Variants in FAM193A observed in about 807,000 individuals in gnomAD.
FAM193A encodes family with sequence similarity 193 member A, also known as protein FAM193A.
FAM193A carries 22 observed loss-of-function variants against 126.5 expected under a neutral mutation model. The observed-to-expected ratio is 0.17, with a 90% CI of 0.12 to 0.25. The LOEUF is 0.25. Among genes scored for constraint, FAM193A ranks in the 10% least tolerant of loss-of-function variants. FAM193A has a pLI of 1.00. For synonymous variants in FAM193A, 761 were observed against 646.8 expected (o/e 1.18, Z -2.68); for missense variants, 1,675 against 1,672.8 (o/e 1.00, Z -0.02).
chr4:2,656,540 C>T (rs750446320), intron 7 of FAM193A, among the ~76,000 whole-genome samples: 1 of 152,216 alleles, frequency 6.6e-6, no homozygotes, highest in East Asian at 1.9e-4. Flanking sequence ...CGTCACCACC[C>T]TCACCTTGAA....
At chr4:2,640,466 G>A (rs962456693) in intron 6 of FAM193A, among the ~76,000 whole-genome samples, 1 of 152,148 alleles carries the variant, frequency 6.6e-6, no homozygotes, top group Non-Finnish European at 1.5e-5. Flanking sequence ...TTTGCCCTGT[G>A]GTACCATGTT....
intron 5 of FAM193A, among the ~76,000 whole-genome samples, chr4:2,633,689 A>C (rs773580251): frequency 9.7e-4 from 147 of 151,650 alleles, no homozygotes; most frequent in Non-Finnish European, 1.5e-3. Flanking sequence ...GTCAGGAGTT[A>C]GAGACCAGCC....
At chr4:2,641,472 G>A (rs1366474648) in intron 6 of FAM193A, among the ~76,000 whole-genome samples, 2 of 151,880 alleles carry the variant, frequency 1.3e-5, no homozygotes, top group Non-Finnish European at 2.9e-5. Flanking sequence ...TGGCTAACAC[G>A]GTGAAACCTC....
At chr4:2,619,071 T>G (rs2108961199) in intron 2 of FAM193A, among the ~76,000 whole-genome samples, 1 of 152,136 alleles carries the variant, frequency 6.6e-6, no homozygotes, top group East Asian at 1.9e-4. Flanking sequence ...TTATTGGTAT[T>G]CTGATCTGCT....
intron 8 of FAM193A, among the ~76,000 whole-genome samples, chr4:2,658,517 C>T (rs961615329): frequency 3.9e-5 from 6 of 152,140 alleles, no homozygotes; most frequent in East Asian, 3.8e-4. Context: ...CTCCCATCCA[C>T]GTGCCACATC....
At chr4:2,661,319 T>G (rs150181679) in intron 10 of FAM193A, among the ~76,000 whole-genome samples, 260 of 152,326 alleles carry the variant, frequency 1.7e-3, no homozygotes, top group African/African-American at 6.1e-3. Flanking sequence ...CTTTTCTAAG[T>G]TGGTTAAAAA....
intron 1 of FAM193A, among the ~76,000 whole-genome samples, chr4:2,580,885 T>C (rs917608658): frequency 6.6e-6 from 1 of 152,184 alleles, no homozygotes; most frequent in Non-Finnish European, 1.5e-5. Context: ...ATCCCAGCAC[T>C]TTGGGAGGCC....
intron 20 of FAM193A, among the ~76,000 whole-genome samples, chr4:2,721,905 G>A (rs1239864348): frequency 6.6e-6 from 1 of 152,220 alleles, no homozygotes; most frequent in Non-Finnish European, 1.5e-5. Flanking sequence ...AAGACGAACA[G>A]ACTGTCACCT....
chr4:2,591,154 G>C (rs1740549347), intron 1 of FAM193A, among the ~76,000 whole-genome samples: 1 of 152,118 alleles, frequency 6.6e-6, no homozygotes, highest in Admixed American at 6.5e-5. Context: ...GGTTTGAAGG[G>C]ATGCCTCGCA....
intron 2 of FAM193A, among the ~76,000 whole-genome samples, chr4:2,602,351 T>C (rs1373008679): frequency 6.9e-6 from 1 of 143,902 alleles, no homozygotes; most frequent in Non-Finnish European, 1.5e-5. Flanking sequence ...AGATGTTCTG[T>C]TCTTTTTTTT....
chr4:2,622,431 A>AGACTTGG (rs1259147072), intron 2 of FAM193A, among the ~76,000 whole-genome samples: 1 of 151,892 alleles, frequency 6.6e-6, no homozygotes, highest in Non-Finnish European at 1.5e-5. Flanking sequence ...ACTGGAGCGG[A>AGACTTGG]GACTTGGGGG....
chr4:2,608,104 C>T lies in FAM193A; in HGVS notation c.501+11775C>T. On this transcript the variant is annotated intron_variant, in intron 2 of 20. Coordinates refer to ENST00000637812, the MANE Select transcript of FAM193A (RefSeq NM_001366318.2). ...TGATTCACTCCCAGATTAGTGCTTC[C>T]ACGATCTACTATATCTCCTTGTAGA... 3 of 1,608,778 alleles carry T rather than the reference C, an allele frequency of 1.9e-6. No homozygotes were observed. The South Asian group carries it at 3.3e-5, about 18-fold the overall frequency.
intron 2 of FAM193A, among the ~76,000 whole-genome samples, chr4:2,619,481 T>TTTTGTA (rs1204864153): frequency 6.6e-6 from 1 of 151,848 alleles, no homozygotes; most frequent in Non-Finnish European, 1.5e-5. Context: ...TATTTTTGTA[T>TTTTGTA]TTTTAGTAGA....
rs570446734 is a variant in FAM193A, at chr4:2,715,411, C to T, written c.4373-612C>T. On this transcript the variant is annotated intron_variant, in intron 19 of 20. Coordinates refer to ENST00000637812, the MANE Select transcript of FAM193A (RefSeq NM_001366318.2). Reference sequence around the variant, plus strand: ...CTGGAAGATGGAGGTTCCAGTGAGCCGAGATCATGCCTGGGTGACAGAATG... The same window carrying T: ...CTGGAAGATGGAGGTTCCAGTGAGCTGAGATCATGCCTGGGTGACAGAATG... 9 of 721,138 alleles carry T rather than the reference C, an allele frequency of 1.2e-5. No individual in the cohort carries two copies. The South Asian group carries it at 2.5e-4, about 20-fold the overall frequency. The allele number at this position is 721,138 out of a possible 1,614,324, so 44.7% of individuals were successfully genotyped here.
chr4:2,562,869 C>G (rs1455956621), intron 1 of FAM193A, among the ~76,000 whole-genome samples: 1 of 151,548 alleles, frequency 6.6e-6, no homozygotes, highest in Non-Finnish European at 1.5e-5. Context: ...ACCTCATGAT[C>G]TGCTCGCCTT....
At chr4:2,690,357 TAGGA>T (rs1175559806) in intron 14 of FAM193A, among the ~76,000 whole-genome samples, 1 of 152,172 alleles carries the variant, frequency 6.6e-6, no homozygotes, top group African/African-American at 2.4e-5. Context: ...GATCTGTGCT[TAGGA>T]AGGATTTCTA....
chr4:2,714,181 T>C (rs936178000), intron 19 of FAM193A, among the ~76,000 whole-genome samples: 1 of 152,096 alleles, frequency 6.6e-6, no homozygotes, highest in African/African-American at 2.4e-5. Flanking sequence ...CTGTAAATGC[T>C]CCGGCCCTCT....
chr4:2,677,902 A>G (rs1373995255), intron 13 of FAM193A, among the ~76,000 whole-genome samples: 1 of 152,220 alleles, frequency 6.6e-6, no homozygotes, highest in Non-Finnish European at 1.5e-5. Flanking sequence ...CAGTATGTAC[A>G]TTCTAACAGT....
At chr4:2,664,519 C>G (rs1712862218) in intron 12 of FAM193A, among the ~76,000 whole-genome samples, 1 of 150,370 alleles carries the variant, frequency 6.7e-6, no homozygotes. Flanking sequence ...AGGGTCTTCC[C>G]TCCAGCTTGG....
Sources: allele counts gnomAD v4.1 joint callset (sites outside exome capture counted in the v4.1 genomes callset), GRCh38; gene constraint gnomAD v4.1.1; transcripts MANE v1.5; gene names NCBI Gene and HGNC (gene_info 2026-07-23, HGNC 2026-07-21).